The following R3HDM1 variants were observed in gnomAD, a reference collection of about 807,000 sequenced individuals.
R3HDM1 encodes R3H domain-containing protein 1.
Under a neutral mutation model 141.1 loss-of-function variants are expected in R3HDM1, and 46 were observed. The ratio of observed to expected loss-of-function variants is 0.33; its 90% CI spans 0.26 to 0.42. The LOEUF (loss-of-function observed/expected upper bound fraction) is 0.42, where lower values mean the gene tolerates loss of function less well. Ranked by LOEUF, R3HDM1 falls within the 10% of genes least tolerant of loss-of-function variation. The pLI is 1.00. For missense variants in R3HDM1, 1,184 were observed against 1,368.3 expected (o/e 0.87, Z 2.12); for synonymous variants, 435 against 472.9 (o/e 0.92, Z 1.04).
intron 1 of R3HDM1, among the ~76,000 whole-genome samples, chr2:135,548,449 A>C (rs1699193264): frequency 6.6e-6 from 1 of 152,256 alleles, no homozygotes; most frequent in South Asian, 2.1e-4. Context: ...AGAAAAATGC[A>C]CAAATCATAA....
Position 135,722,533 on chromosome 2 carries a change from AC to A in R3HDM1, c.3031del (p.Gly1012GlufsTer20). 6.2e-7 allele frequency: 1 copy of A among 1,613,360 alleles called. No homozygotes were observed. The highest frequency in any genetic ancestry group is 8.5e-7 in the Non-Finnish European group (1 of 1,179,884). ...CAAGCTAAAAAAGCTGCATCCACAG[AC>A]CTTGGAGCAGGAGAAACAGGTATGT... ...RRQAKKAAST[D>X]LGAGETVVGK... On this transcript the variant is annotated frameshift_variant, in exon 26 of 27. Transcript: ENST00000683871. LOFTEE classifies it high-confidence loss of function.
At chr2:135,578,361 G>C (rs1160257139) in intron 1 of R3HDM1, among the ~76,000 whole-genome samples, 1 of 152,154 alleles carries the variant, frequency 6.6e-6, no homozygotes, top group Non-Finnish European at 1.5e-5. Flanking sequence ...TATTGAAACT[G>C]GTTTCTTACA....
At position 135,723,891 on chromosome 2, in the gene R3HDM1, T is replaced by C. The variant is rs756287331; in HGVS notation, c.3050-46T>C. 6.0e-6 allele frequency: 9 copies of C among 1,498,422 alleles called. No individual in the cohort carries two copies. The South Asian group carries it at 1.2e-4, about 19-fold the overall frequency. The allele number at this position is 1,498,422 out of a possible 1,614,324, so 92.8% of individuals were successfully genotyped here. A position where few individuals can be genotyped will look rare whatever the true frequency, so the allele number is the denominator to read the frequency against. ...GTCTGCAGTGCTTTTTTACCCAACT[T>C]TTTTGGTAACAGGAATGTATTGATT... On this transcript the variant is annotated intron_variant, in intron 26 of 26. Coordinates refer to ENST00000683871, the MANE Select transcript of R3HDM1 (RefSeq NM_001378107.1).
chr2:135,579,550 C>T (rs1355262920), intron 1 of R3HDM1, among the ~76,000 whole-genome samples: 1 of 142,728 alleles, frequency 7.0e-6, no homozygotes, highest in Admixed American at 7.1e-5. Flanking sequence ...AATATCTCCC[C>T]ACAAGATATG....
Position 135,713,376 on chromosome 2 carries a change from G to A in R3HDM1, c.2737-2174G>A, listed in dbSNP as rs527340716. ...TGGCAAAGATCAAGTTATAAGCTCTGGGACTCTCTTTGTGGTAGTGTAAAT... is the reference window on the plus strand; with the variant it reads ...TGGCAAAGATCAAGTTATAAGCTCTAGGACTCTCTTTGTGGTAGTGTAAAT... On this transcript the variant is annotated intron_variant, in intron 23 of 26. Transcript: ENST00000683871. Among the ~76,000 whole-genome samples the A allele has an allele frequency of 7.2e-5, 11 of 152,254 alleles. No homozygotes were observed. The South Asian group carries it at 2.3e-3, about 32-fold the overall frequency.
intron 21 of R3HDM1, among the ~76,000 whole-genome samples, chr2:135,694,652 C>T (rs1405629945): frequency 1.3e-5 from 2 of 152,176 alleles, no homozygotes; most frequent in Non-Finnish European, 2.9e-5. Flanking sequence ...GTTTCCCAGA[C>T]ACAGCTCAGG....
intron 1 of R3HDM1, chr2:135,550,286 G>A (rs1264528373): frequency 1.1e-6 from 1 of 934,244 alleles, no homozygotes; most frequent in East Asian, 1.2e-4. Flanking sequence ...TTTTATTTGT[G>A]ATATATGGAA....
At position 135,636,152 on chromosome 2, in the gene R3HDM1, A is replaced by G. The variant is rs771036914; in HGVS notation, c.872A>G (p.Gln291Arg). The change falls in exon 11 of 27, where the codon CAG becomes CGG. Residue 291 changes from glutamine to arginine, a missense_variant. Transcript: ENST00000683871. ...ATAGAAGAAAGAGAAGAAGAGTACC[A>G]GAGAGCCAGAGACCGAATATTTTCC... is the stretch of plus-strand genomic sequence containing the variant. ...KSIEEREEEYQRARDRIFSQD... is the reference protein window; with the variant it reads ...KSIEEREEEYRRARDRIFSQD... The G allele has an allele frequency of 9.3e-6, 15 of 1,613,104 alleles. No individual in the cohort carries two copies. The highest frequency in any genetic ancestry group is 1.3e-5 in the African/African-American group (1 of 74,894).
intron 23 of R3HDM1, among the ~76,000 whole-genome samples, chr2:135,714,427 C>T (rs2075965281): frequency 6.6e-6 from 1 of 152,160 alleles, no homozygotes; most frequent in South Asian, 2.1e-4. Context: ...AGAGACTGTG[C>T]TGTTCTGCTT....
intron 1 of R3HDM1, among the ~76,000 whole-genome samples, chr2:135,560,944 A>G (rs1701690808): frequency 6.6e-6 from 1 of 152,208 alleles, no homozygotes; most frequent in Non-Finnish European, 1.5e-5. Flanking sequence ...TATAAATATA[A>G]AAGTTGTTCT....
At chr2:135,561,877 C>T (rs187814900) in intron 1 of R3HDM1, among the ~76,000 whole-genome samples, 365 of 152,142 alleles carry the variant, frequency 2.4e-3, no homozygotes, top group Non-Finnish European at 3.9e-3. Context: ...ATAAAATGAC[C>T]GTTAAAGAAT....
At chr2:135,571,904 G>A (rs913362495) in intron 1 of R3HDM1, among the ~76,000 whole-genome samples, 1 of 152,132 alleles carries the variant, frequency 6.6e-6, no homozygotes, top group Non-Finnish European at 1.5e-5. Flanking sequence ...AGAATTATAG[G>A]TGTGAGCCAC....
chr2:135,630,878 G>A (rs1009491639), intron 7 of R3HDM1, among the ~76,000 whole-genome samples: 12 of 152,038 alleles, frequency 7.9e-5, no homozygotes, highest in African/African-American at 2.7e-4. Context: ...TTATGGGTGT[G>A]TGAGCAGGGA....
intron 18 of R3HDM1, among the ~76,000 whole-genome samples, chr2:135,655,261 A>G (rs2065686886): frequency 6.6e-6 from 1 of 152,120 alleles, no homozygotes; most frequent in African/African-American, 2.4e-5. Flanking sequence ...TTCTAGCATT[A>G]TTTGTTGAAG....
Position 135,550,440 on chromosome 2 carries a change from G to T in R3HDM1, c.-250+18807G>T, listed in dbSNP as rs1699615719. On this transcript the variant is annotated intron_variant, in intron 1 of 26. Coordinates refer to ENST00000683871, the MANE Select transcript of R3HDM1 (RefSeq NM_001378107.1). ...GAGAATTGACTTAAATGTTAAGTTT[G>T]TATCACTTGTACTTCATTAGCATTT... Among the ~76,000 whole-genome samples the T allele has an allele frequency of 3.3e-5, 5 of 152,176 alleles. No homozygotes were observed. The South Asian group carries it at 8.3e-4, about 25-fold the overall frequency.
At chr2:135,578,556 AGC>A (rs1706038896) in intron 1 of R3HDM1, among the ~76,000 whole-genome samples, 2 of 152,204 alleles carry the variant, frequency 1.3e-5, no homozygotes, top group Admixed American at 1.3e-4. Flanking sequence ...TGGAGAAAGG[AGC>A]CCAAAATGTA....
intron 1 of R3HDM1, chr2:135,590,642 A>G (rs1574128910): frequency 1.0e-6 from 1 of 985,412 alleles, no homozygotes; most frequent in Non-Finnish European, 1.2e-6. Flanking sequence ...GAGAAATTAT[A>G]TCTGCTAGCT....
chr2:135,708,336 AT>A (rs1412337943), intron 21 of R3HDM1, among the ~76,000 whole-genome samples: 7 of 152,118 alleles, frequency 4.6e-5, no homozygotes, highest in Admixed American at 4.6e-4. Flanking sequence ...AGAGTTTCCC[AT>A]ATTCTGGATT....
In R3HDM1 at chr2:135,723,954, G is replaced by A. The variant is rs1575293997; in HGVS notation, c.3067G>A (p.Glu1023Lys). The change falls in exon 27 of 27, where the codon GAA becomes AAA. Residue 1023 changes from glutamate (E) to lysine (K), a missense_variant. Glu to Lys is a moderately conservative substitution (Grantham distance 56, BLOSUM62 1). Transcript: ENST00000683871. The part of the protein sequence containing the change: ...AGETVVGKVL[E>K]ITELPDGITR... ...TATTCTAGTTGTTGGGAAGGTCTTG[G>A]AAATTACTGAACTACCAGATGGAAT... 6.2e-7 allele frequency: 1 copy of A among 1,611,302 alleles called. No individual in the cohort carries two copies. Among genetic ancestry groups the A allele is most frequent in the Non-Finnish European group, 8.5e-7 (1 of 1,177,992 alleles).
Sources: gnomAD v4.1 joint callset for allele counts (sites outside exome capture counted in the v4.1 genomes callset) on GRCh38, gnomAD v4.1.1 for gene constraint, MANE v1.5 for transcripts, NCBI Gene and HGNC (gene_info 2026-07-23, HGNC 2026-07-21) for gene names.